Variants in SAMSN1 observed in about 807,000 individuals in gnomAD.
The protein encoded by SAMSN1 is SAM domain, SH3 domain and nuclear localization signals 1.
In SAMSN1, 31 loss-of-function variants were observed where a neutral mutation model predicts 42.0. That is an observed-to-expected ratio of 0.74 (90% confidence interval 0.55 to 1.00). SAMSN1 has a LOEUF of 1.00. Ranked by LOEUF, SAMSN1 falls within the 50% of genes least tolerant of loss-of-function variation. The probability of loss-of-function intolerance (pLI) is 0.00; values close to 1 mark genes in which losing one functional copy is unlikely to be tolerated. For missense variants in SAMSN1, 464 were observed against 439.4 expected, an observed-to-expected ratio of 1.06 and a Z score of -0.50; for synonymous variants, 178 against 151.9, an observed-to-expected ratio of 1.17 and a Z score of -1.26.
At chr21:14,519,629 GAATA>G (rs1312659678) in intron 2 of SAMSN1, among the ~76,000 whole-genome samples, 2 of 151,770 alleles carry the variant, frequency 1.3e-5, no homozygotes, top group African/African-American at 4.8e-5. Context: ...TCATAAATGT[GAATA>G]TATACATAAT....
intron 7 of SAMSN1, 60 bp downstream of exon 7, chr21:14,498,382 T>C: frequency 7.1e-7 from 1 of 1,412,626 alleles, no homozygotes; most frequent in Non-Finnish European, 9.6e-7. Flanking sequence ...TTTCTAATGA[T>C]TATACTATTT....
chr21:14,584,601 G>C (rs1981860471), upstream of SAMSN1, among the ~76,000 whole-genome samples: 1 of 152,150 alleles, frequency 6.6e-6, no homozygotes, highest in Admixed American at 6.5e-5. Context: ...TATAGGAATT[G>C]ATAAAAATCA....
intron 5 of SAMSN1, among the ~76,000 whole-genome samples, chr21:14,607,220 C>A (rs1982591586): frequency 6.6e-6 from 1 of 152,154 alleles, no homozygotes; most frequent in Admixed American, 6.5e-5. Context: ...GACTGCCTAT[C>A]CTCAGGCACA....
intron 1 of SAMSN1, among the ~76,000 whole-genome samples, chr21:14,647,638 T>A (rs1338281838): frequency 7.2e-6 from 1 of 137,976 alleles, no homozygotes; most frequent in Non-Finnish European, 1.6e-5. Flanking sequence ...TTCTTCCATT[T>A]GTTTGTGTCC....
chr21:14,492,494 A>G (rs1025450731), intron 7 of SAMSN1, among the ~76,000 whole-genome samples: 2 of 152,238 alleles, frequency 1.3e-5, no homozygotes, highest in Non-Finnish European at 2.9e-5. Context: ...GCTTTGGGAA[A>G]GCATGTGGTA....
intron 2 of SAMSN1, among the ~76,000 whole-genome samples, chr21:14,554,052 G>T (rs962494934): frequency 1.3e-5 from 2 of 151,932 alleles, no homozygotes; most frequent in African/African-American, 4.8e-5. Context: ...TTGACCTTTT[G>T]TTTTCCAGGA....
At chr21:14,556,415 G>C (rs1218816405) in intron 2 of SAMSN1, among the ~76,000 whole-genome samples, 2 of 152,076 alleles carry the variant, frequency 1.3e-5, no homozygotes. Flanking sequence ...GAAAAAATGT[G>C]TATCACAGCT....
intron 1 of SAMSN1, among the ~76,000 whole-genome samples, chr21:14,654,593 A>AG (rs1983887203): frequency 6.6e-6 from 1 of 151,990 alleles, no homozygotes; most frequent in Non-Finnish European, 1.5e-5. Flanking sequence ...GGCTGAAAAA[A>AG]GCTTCTGCCA....
intron 7 of SAMSN1, 30 bp from the exon 8 acceptor site, chr21:14,486,144 G>A (rs1369458302): frequency 6.6e-7 from 1 of 1,512,388 alleles, no homozygotes; most frequent in Admixed American, 1.7e-5. Context: ...GCAGGAGTTA[G>A]GTAAAGCAAC....
At chr21:14,587,744 C>CTTAT (rs75505800), upstream of SAMSN1, among the ~76,000 whole-genome samples, 17,957 of 150,568 alleles carry the variant, frequency 0.12, 1,161 homozygotes, top group African/African-American at 0.16. Flanking sequence ...TATCCATCAC[C>CTTAT]TTATTTATTT....
At chr21:14,492,255 C>T (rs1986724113) in intron 7 of SAMSN1, among the ~76,000 whole-genome samples, 1 of 152,172 alleles carries the variant, frequency 6.6e-6, no homozygotes, top group Admixed American at 6.5e-5. Context: ...TACTTATTTA[C>T]ACTCTTGCAC....
chr21:14,657,497 C>T (rs952978864), intron 1 of SAMSN1, among the ~76,000 whole-genome samples: 11 of 151,740 alleles, frequency 7.2e-5, no homozygotes, highest in East Asian at 3.9e-4. Context: ...ACGTATGTCA[C>T]GCCACGCTGA....
At chr21:14,534,148 C>A (rs1324052113) in intron 1 of SAMSN1, among the ~76,000 whole-genome samples, 1 of 152,202 alleles carries the variant, frequency 6.6e-6, no homozygotes, top group African/African-American at 2.4e-5. Context: ...CATTTACAAA[C>A]TATCTTCTGG....
chr21:14,498,655 T>C, intron 6 of SAMSN1, 63 bp from the exon 7 acceptor site: 1 of 1,356,386 alleles, frequency 7.4e-7, no homozygotes, highest in Non-Finnish European at 9.9e-7. Context: ...TAGTTCTCTT[T>C]AGATTTAAAG....
intron 2 of SAMSN1, among the ~76,000 whole-genome samples, chr21:14,555,271 TC>T (rs1441801743): frequency 6.6e-6 from 1 of 152,146 alleles, no homozygotes; most frequent in Non-Finnish European, 1.5e-5. Context: ...TTAGTTGACA[TC>T]CTTTCTATCC....
intron 2 of SAMSN1, among the ~76,000 whole-genome samples, chr21:14,572,850 A>G (rs546714145): frequency 6.6e-6 from 1 of 152,274 alleles, no homozygotes; most frequent in Admixed American, 6.5e-5. Context: ...TTACAAAGCC[A>G]TGATCTTTGC....
chr21:14,631,473 T>G (rs1268705798), intron 2 of SAMSN1, among the ~76,000 whole-genome samples: 1 of 152,190 alleles, frequency 6.6e-6, no homozygotes, highest in Non-Finnish European at 1.5e-5. Context: ...GTTCAAGCGA[T>G]TCTCCTGCCT....
At chr21:14,536,667 G>C (rs1979642480) in intron 1 of SAMSN1, among the ~76,000 whole-genome samples, 1 of 152,034 alleles carries the variant, frequency 6.6e-6, no homozygotes, top group African/African-American at 2.4e-5. Flanking sequence ...AAATCCAATG[G>C]AAAATTATAT....
chr21:14,516,849 A>C (rs1373436146), intron 3 of SAMSN1, 43 bp downstream of exon 3: 1 of 1,521,826 alleles, frequency 6.6e-7, no homozygotes. Context: ...AGTTTAAGAA[A>C]GTTTTAGTAG....
Sources: allele counts gnomAD v4.1 joint callset (sites outside exome capture counted in the v4.1 genomes callset), GRCh38; gene constraint gnomAD v4.1.1; transcripts MANE v1.5; gene names NCBI Gene and HGNC (gene_info 2026-07-23, HGNC 2026-07-21).